The following SPTAN1 variants were observed in gnomAD, a reference collection of about 807,000 sequenced individuals.
The protein encoded by SPTAN1 is spectrin alpha chain, non-erythrocytic 1.
Under a neutral mutation model 331.3 loss-of-function variants are expected in SPTAN1, and 61 were observed. The ratio of observed to expected loss-of-function variants is 0.18; its 90% CI spans 0.15 to 0.23. The LOEUF (loss-of-function observed/expected upper bound fraction) is 0.23, where lower values mean the gene tolerates loss of function less well. Among genes scored for constraint, SPTAN1 ranks in the 10% least tolerant of loss-of-function variants. The probability of loss-of-function intolerance (pLI) is 1.00; values close to 1 mark genes in which losing one functional copy is unlikely to be tolerated. For missense variants in SPTAN1, 2,043 were observed against 3,147.9 expected, an observed-to-expected ratio of 0.65 and a Z score of 8.40; for synonymous variants, 1,153 against 1,173.9, an observed-to-expected ratio of 0.98 and a Z score of 0.36.
intron 36 of SPTAN1, 80 bp from the exon 37 acceptor site, chr9:128,609,571 A>G (rs1343071676): frequency 4.0e-6 from 5 of 1,242,974 alleles, no homozygotes; most frequent in African/African-American, 3.1e-5. Context: ...AAGTATGACA[A>G]AATGAGTTTC....
At chr9:128,580,533 T>G (rs1253929106) in intron 10 of SPTAN1, among the ~76,000 whole-genome samples, 2 of 152,048 alleles carry the variant, frequency 1.3e-5, no homozygotes, top group African/African-American at 4.8e-5. Flanking sequence ...GTTTCTGAAT[T>G]TATTTTCCAT....
At chr9:128,558,392 G>A (rs1394978161) in intron 1 of SPTAN1, among the ~76,000 whole-genome samples, 1 of 152,036 alleles carries the variant, frequency 6.6e-6, no homozygotes, top group Non-Finnish European at 1.5e-5. Context: ...CCTTAAATGG[G>A]AAGTTGTCCT....
intron 9 of SPTAN1, among the ~76,000 whole-genome samples, chr9:128,578,835 GA>G (rs10600950): frequency 0.66 from 78,778 of 119,344 alleles, 27,041 homozygotes; most frequent in Non-Finnish European, 0.81. Context: ...CTGTCTCAAA[GA>G]AAAAAAAAAA....
chr9:128,587,569 C>G (rs778379868), intron 19 of SPTAN1, 37 bp from the exon 20 acceptor site: 1 of 1,582,032 alleles, frequency 6.3e-7, no homozygotes. Flanking sequence ...GAGGCTTCAG[C>G]CCCTGCACAG....
intron 51 of SPTAN1, chr9:128,628,844 C>T: frequency 3.0e-6 from 1 of 328,598 alleles, no homozygotes; most frequent in Non-Finnish European, 5.5e-6. Flanking sequence ...CACCTGACTC[C>T]CCTCCCTGCC....
At position 128,631,776 on chromosome 9, in the gene SPTAN1, C is replaced by T. The variant is rs532907911; in HGVS notation, c.6763-351C>T. The T allele has an allele frequency of 1.3e-3, 376 of 288,598 alleles. 1 individual carries two copies. Among genetic ancestry groups the T allele is most frequent in the African/African-American group, 2.2e-3 (100 of 45,458 alleles). 17.9% of individuals were successfully genotyped at this position (288,598 alleles called of 1,614,324 possible). ...CGGGAGGTTGCAGTGAGCGTGATTGCGCCACTGCACTCTAGCCTAGGCGAC... is the reference window on the plus strand; with the variant it reads ...CGGGAGGTTGCAGTGAGCGTGATTGTGCCACTGCACTCTAGCCTAGGCGAC... On this transcript the variant is annotated intron_variant, in intron 52 of 56. Transcript: ENST00000372739.
intron 46 of SPTAN1, 123 bp downstream of exon 46, chr9:128,624,610 T>C (rs954728501): frequency 7.8e-7 from 1 of 1,276,414 alleles, no homozygotes; most frequent in Non-Finnish European, 1.1e-6. Context: ...GAGAACCTAC[T>C]ACCAGGGCAG....
At chr9:128,554,996 C>A (rs1449439034) in intron 1 of SPTAN1, among the ~76,000 whole-genome samples, 1 of 152,160 alleles carries the variant, frequency 6.6e-6, no homozygotes, top group Non-Finnish European at 1.5e-5. Flanking sequence ...ATTTAGGAAT[C>A]ATCTTGTCCT....
intron 51 of SPTAN1, chr9:128,628,233 C>G: frequency 3.5e-6 from 2 of 578,930 alleles, no homozygotes; most frequent in Non-Finnish European, 6.5e-6. Context: ...AAGGCCAGAG[C>G]TGGAGTCCAG....
chr9:128,563,821 A>G (rs1849689054), intron 1 of SPTAN1, among the ~76,000 whole-genome samples: 1 of 137,698 alleles, frequency 7.3e-6, no homozygotes, highest in Non-Finnish European at 1.5e-5. Context: ...TTTTTTTTTT[A>G]GAGCCAGGGT....
chr9:128,624,165 C>A (rs138961673), intron 45 of SPTAN1, among the ~76,000 whole-genome samples, 163 bp from the exon 46 acceptor site: 1 of 151,158 alleles, frequency 6.6e-6, no homozygotes, highest in Non-Finnish European at 1.5e-5. Context: ...AGCCTTTGAC[C>A]GCATTGCTCT....
rs757657944 is a variant in SPTAN1 at position 128,577,054 on chromosome 9, C to A, written c.786-75C>A. ...TGGTGAGCTGTCGAGGCTGACTAGGCCTTGGTCCCATGGGGTGTTCCTAGT... is the reference window on the plus strand; with the variant it reads ...TGGTGAGCTGTCGAGGCTGACTAGGACTTGGTCCCATGGGGTGTTCCTAGT... On this transcript the variant is annotated intron_variant, in intron 6 of 56. Transcript: ENST00000372739. The surrounding 1 kb of genome is among the most constrained non-coding windows in gnomAD (Gnocchi z 4.2). The A allele has an allele frequency of 2.5e-6, 4 of 1,613,632 alleles. No homozygotes were observed. In the Admixed American group the frequency reaches 5.0e-5, roughly 20 times the overall value.
chr9:128,587,208 C>T (rs1241355618), intron 19 of SPTAN1, among the ~76,000 whole-genome samples: 2 of 152,142 alleles, frequency 1.3e-5, no homozygotes, highest in Non-Finnish European at 2.9e-5. Flanking sequence ...CCTCAGTCCC[C>T]TGAGTAGCTT....
intron 5 of SPTAN1, among the ~76,000 whole-genome samples, chr9:128,576,179 A>G (rs550128217): frequency 6.6e-6 from 1 of 152,278 alleles, no homozygotes; most frequent in Admixed American, 6.5e-5. Flanking sequence ...GAAATGCTTC[A>G]TTTTATTACT....
chr9:128,613,413 C>G lies in SPTAN1; in HGVS notation c.5076C>G (p.Gly1692=), dbSNP rs761438413. 1.2e-6 allele frequency: 2 copies of G among 1,614,176 alleles called. No homozygotes were observed. Among genetic ancestry groups the G allele is most frequent in the Admixed American group, 3.3e-5 (2 of 60,030 alleles). ...VEALLASEDY[G]KDLASVNNLL... is the part of the protein sequence containing the mutation. ...CCCTGCTGGCATCCGAAGATTATGG[C>G]AAAGACCTAGCTTCTGTGAACAACC... is the stretch of plus-strand genomic sequence containing the variant. The change falls in exon 40 of 57, where the codon GGC becomes GGG. Residue 1692 remains glycine (G), a synonymous_variant. Transcript: ENST00000372739.
At chr9:128,626,823 CT>C in intron 49 of SPTAN1, 136 bp downstream of exon 49, 1 of 1,058,750 alleles carries the variant, frequency 9.4e-7, no homozygotes, top group Non-Finnish European at 1.4e-6. Context: ...AGTTTCATTT[CT>C]TTTTGTGTTC....
At chr9:128,622,765 A>AT (rs1454854587) in intron 45 of SPTAN1, among the ~76,000 whole-genome samples, 1 of 150,138 alleles carries the variant, frequency 6.7e-6, no homozygotes, top group Non-Finnish European at 1.5e-5. Context: ...TTATTTATTT[A>AT]TTTTTTAGAC....
intron 4 of SPTAN1, among the ~76,000 whole-genome samples, 155 bp downstream of exon 4, chr9:128,574,970 G>A (rs1387183978): frequency 6.9e-6 from 1 of 145,010 alleles, no homozygotes; most frequent in African/African-American, 2.4e-5. Flanking sequence ...TGCTCTCTAG[G>A]TGTATGTGCT....
chr9:128,584,688 G>A lies in SPTAN1; in HGVS notation c.2438-33G>A, dbSNP rs182403113. The A allele has an allele frequency of 5.6e-5, 91 of 1,614,226 alleles. 1 individual carries two copies. In the East Asian group the frequency reaches 1.2e-3, roughly 22 times the overall value. On this transcript the variant is annotated intron_variant, in intron 17 of 56. Transcript: ENST00000372739. ...ATCAGTGCTGACTTTTCTCTTCATG[G>A]TTGGATAACTGGGGACTGGTGTCTG... is the stretch of plus-strand genomic sequence containing the variant.
Sources: gnomAD v4.1 joint callset for allele counts (sites outside exome capture counted in the v4.1 genomes callset) on GRCh38, gnomAD v4.1.1 for gene constraint, Gnocchi (gnomAD v3.1) non-coding constraint, MANE v1.5 for transcripts, NCBI Gene and HGNC (gene_info 2026-07-23, HGNC 2026-07-21) for gene names.